The following DLGAP1 variants were observed in gnomAD, a reference collection of about 807,000 sequenced individuals.
DLGAP1 encodes DLG associated protein 1.
A neutral mutation model predicts 90.8 loss-of-function variants in DLGAP1; 11 were observed. The ratio of observed to expected loss-of-function variants is 0.12; its 90% confidence interval spans 0.08 to 0.20. The LOEUF (loss-of-function observed/expected upper bound fraction) is 0.20. DLGAP1 is among the 10% of genes least tolerant of loss of function. The pLI, the probability that DLGAP1 is intolerant of heterozygous loss-of-function variation, is 1.00. For synonymous variants in DLGAP1, 558 were observed against 540.7 expected, an observed-to-expected ratio of 1.03 and a Z score of -0.44; for missense variants, 1,050 against 1,333.8, an observed-to-expected ratio of 0.79 and a Z score of 3.31.
At chr18:3,627,875 C>CTTTTTT in intron 7 of DLGAP1, among the ~76,000 whole-genome samples, 1 of 90,112 alleles carries the variant, frequency 1.1e-5, no homozygotes, top group Non-Finnish European at 2.2e-5. Flanking sequence ...TCCTTCCTTC[C>CTTTTTT]TTTTTTTTTT....
chr18:4,367,234 C>T (rs1006257860), intron 1 of DLGAP1, among the ~76,000 whole-genome samples: 6 of 150,810 alleles, frequency 4.0e-5, no homozygotes, highest in South Asian at 2.1e-4. Context: ...AAAGAACTTG[C>T]GTAGTATAAC....
intron 1 of DLGAP1, among the ~76,000 whole-genome samples, chr18:4,178,207 A>G (rs1244842615): frequency 2.3e-4 from 16 of 70,380 alleles, no homozygotes; most frequent in African/African-American, 1.1e-3. Flanking sequence ...GAATAAACAC[A>G]CACACACACA....
At chr18:3,861,119 T>C (rs554559065) in intron 4 of DLGAP1, among the ~76,000 whole-genome samples, 45 of 152,202 alleles carry the variant, frequency 3.0e-4, no homozygotes, top group Non-Finnish European at 5.6e-4. Context: ...TCGACGCTTA[T>C]ATAGAGAAGA....
chr18:4,163,541 A>G (rs1273918892), intron 1 of DLGAP1, among the ~76,000 whole-genome samples: 1 of 152,224 alleles, frequency 6.6e-6, no homozygotes, highest in Non-Finnish European at 1.5e-5. Context: ...ATGGTTCACA[A>G]TGGGCACAGA....
rs564450949 is a variant in DLGAP1, at chr18:3,812,720, G to A, written c.1172+1339C>T. On this transcript the variant is annotated intron_variant, in intron 5 of 12. Transcript: ENST00000315677. ...CTTGAAAAATAATTCATGGGAGGCC[G>A]TCTCTGTCCGGATCTTTAAAATACA... Among the ~76,000 whole-genome samples, 196 of 152,270 alleles carry A rather than the reference G, an allele frequency of 1.3e-3. 1 individual carries two copies. Among genetic ancestry groups the A allele is most frequent in the African/African-American group, 4.4e-3 (182 of 41,544 alleles).
In DLGAP1 at chr18:3,660,374, G is replaced by A. The variant is rs963822214; in HGVS notation, c.1591+68761C>T. On this transcript the variant is annotated intron_variant, in intron 7 of 12. Transcript: ENST00000315677. The surrounding 1 kb of genome is among the most constrained non-coding windows in gnomAD (Gnocchi z 4.2). ...GTTATCTCATTGATTTCACATCTGC[G>A]TCCTTGTTTACCTCTGTCCTCCTCA... Among the ~76,000 whole-genome samples, 5 of 152,252 alleles carry A rather than the reference G, an allele frequency of 3.3e-5. No individual in the cohort carries two copies. The East Asian group carries it at 5.8e-4, about 18-fold the overall frequency.
At chr18:3,623,134 G>C (rs1386248061) in intron 7 of DLGAP1, among the ~76,000 whole-genome samples, 1 of 152,048 alleles carries the variant, frequency 6.6e-6, no homozygotes, top group South Asian at 2.1e-4. Context: ...CCTCATGTCA[G>C]CTGGGTGATC....
intron 3 of DLGAP1, among the ~76,000 whole-genome samples, chr18:4,001,037 T>C (rs1278726173): frequency 6.6e-6 from 1 of 152,152 alleles, no homozygotes; most frequent in East Asian, 1.9e-4. Flanking sequence ...TTCTATTATA[T>C]GTTCATTTGT....
intron 5 of DLGAP1, among the ~76,000 whole-genome samples, chr18:3,802,837 G>A (rs2066374798): frequency 6.6e-6 from 1 of 152,152 alleles, no homozygotes; most frequent in African/African-American, 2.4e-5. Flanking sequence ...GAGATGACTT[G>A]GGTCCTAAAC....
intron 1 of DLGAP1, among the ~76,000 whole-genome samples, chr18:4,197,197 A>AG (rs2077515675): frequency 1.3e-5 from 2 of 149,966 alleles, no homozygotes; most frequent in Admixed American, 1.3e-4. Context: ...GTAAAAAAAA[A>AG]AAAAAAAAAA....
chr18:4,382,014 C>G (rs551809013), intron 1 of DLGAP1, among the ~76,000 whole-genome samples: 2 of 152,232 alleles, frequency 1.3e-5, no homozygotes, highest in African/African-American at 4.8e-5. Flanking sequence ...GAGACTTATT[C>G]ACCACCAAAA....
chr18:4,016,567 G>C (rs1452598990), intron 2 of DLGAP1, among the ~76,000 whole-genome samples: 1 of 152,166 alleles, frequency 6.6e-6, no homozygotes, highest in African/African-American at 2.4e-5. Flanking sequence ...CAAATCTTTG[G>C]AATACTTTTC....
intron 1 of DLGAP1, among the ~76,000 whole-genome samples, chr18:4,175,475 G>A (rs1164213270): frequency 2.6e-5 from 4 of 152,146 alleles, no homozygotes; most frequent in African/African-American, 9.7e-5. Flanking sequence ...CGGCATTTAT[G>A]TCATGAAATC....
At chr18:3,975,155 AAAGT>A (rs1308701004) in intron 3 of DLGAP1, among the ~76,000 whole-genome samples, 1 of 152,174 alleles carries the variant, frequency 6.6e-6, no homozygotes, top group African/African-American at 2.4e-5. Context: ...ACACTCAAAG[AAAGT>A]AAGGATGGTT....
chr18:4,008,350 T>C (rs2074348280), intron 2 of DLGAP1, among the ~76,000 whole-genome samples: 1 of 152,132 alleles, frequency 6.6e-6, no homozygotes, highest in African/African-American at 2.4e-5. Context: ...AAACTGCACA[T>C]CTAGTTATAT....
At chr18:3,995,312 T>C (rs2074046753) in intron 3 of DLGAP1, 1 of 151,918 alleles carries the variant, frequency 6.6e-6, no homozygotes, top group East Asian at 1.9e-4. Context: ...TAGAAGAAAA[T>C]AGAAGGAATG....
At chr18:4,225,316 C>T (rs561117874) in intron 1 of DLGAP1, among the ~76,000 whole-genome samples, 1 of 152,104 alleles carries the variant, frequency 6.6e-6, no homozygotes, top group East Asian at 2.0e-4. Context: ...CCTGGAAAAT[C>T]CTCCCAAGAC....
chr18:4,059,541 G>A (rs1244052761), intron 2 of DLGAP1, among the ~76,000 whole-genome samples: 1 of 152,096 alleles, frequency 6.6e-6, no homozygotes, highest in Non-Finnish European at 1.5e-5. Flanking sequence ...GAGAAACCCT[G>A]TCTCTACTAA....
chr18:3,712,137 C>G (rs2061615007), intron 7 of DLGAP1, among the ~76,000 whole-genome samples: 1 of 152,198 alleles, frequency 6.6e-6, no homozygotes, highest in African/African-American at 2.4e-5. Context: ...CACACACTTA[C>G]TGAGTGGGGA....
Sources: gnomAD v4.1 joint callset for allele counts (sites outside exome capture counted in the v4.1 genomes callset) on GRCh38, gnomAD v4.1.1 for gene constraint, Gnocchi (gnomAD v3.1) non-coding constraint, MANE v1.5 for transcripts, NCBI Gene and HGNC (gene_info 2026-07-23, HGNC 2026-07-21) for gene names.